Variants in ATP11A observed in about 807,000 individuals in gnomAD.
ATP11A encodes the protein ATPase phospholipid transporting 11A.
A neutral mutation model predicts 154.4 loss-of-function variants in ATP11A; 81 were observed. The observed-to-expected ratio is 0.52, with a 90% confidence interval of 0.44 to 0.63. The LOEUF (loss-of-function observed/expected upper bound fraction) is 0.63. Ranked by LOEUF, ATP11A falls within the 30% of genes least tolerant of loss-of-function variation. The probability of loss-of-function intolerance (pLI) is 0.00; values close to 1 mark genes in which losing one functional copy is unlikely to be tolerated. For missense variants in ATP11A, 1,316 were observed against 1,474.3 expected, an observed-to-expected ratio of 0.89 and a Z score of 1.76; for synonymous variants, 623 against 585.9, an observed-to-expected ratio of 1.06 and a Z score of -0.91.
intron 2 of ATP11A, among the ~76,000 whole-genome samples, chr13:112,794,313 A>ACCATTGT (rs2077940575): frequency 6.6e-6 from 1 of 152,310 alleles, no homozygotes; most frequent in South Asian, 2.1e-4. Flanking sequence ...ATAACTGTCC[A>ACCATTGT]CCATTGTCAG....
At chr13:112,733,716 A>C (rs1870185036) in intron 1 of ATP11A, among the ~76,000 whole-genome samples, 2 of 152,222 alleles carry the variant, frequency 1.3e-5, no homozygotes. Context: ...AGTCTATGCA[A>C]ATACAACTTT....
chr13:112,701,940 G>T (rs1239702649), intron 1 of ATP11A, among the ~76,000 whole-genome samples: 2 of 152,156 alleles, frequency 1.3e-5, no homozygotes, highest in Non-Finnish European at 2.9e-5. Context: ...CTGTGGATGG[G>T]GCCTGCGGTT....
Position 112,883,312 on chromosome 13 carries a change from T to C in ATP11A, c.*1446T>C, listed in dbSNP as rs928336300. 4 of 398,234 alleles carry C rather than the reference T, an allele frequency of 1.0e-5. No individual in the cohort carries two copies. Among genetic ancestry groups the C allele is most frequent in the Middle Eastern group, 1.3e-3 (2 of 1,588 alleles). 24.7% of individuals were successfully genotyped at this position (398,234 alleles called of 1,614,324 possible). A position where few individuals can be genotyped will look rare whatever the true frequency, so the allele number is the denominator to read the frequency against. On this transcript the variant is annotated 3_prime_UTR_variant, in exon 30 of 30. Transcript: ENST00000375645. ...GGCATTTCTATTTCTAGAAATAATATTTGACATAGCCTTAATGGTCCTTAA... is the reference window on the plus strand; with the variant it reads ...GGCATTTCTATTTCTAGAAATAATACTTGACATAGCCTTAATGGTCCTTAA...
rs1197680167 is a variant in ATP11A, at chr13:112,885,061, G to A, written c.*3195G>A. ...CATGCACACAAACGTGTACACAAGT[G>A]TGAGCTCCTACACGCATACACACAC... is the stretch of plus-strand genomic sequence containing the variant. On this transcript the variant is annotated 3_prime_UTR_variant, in exon 30 of 30. Transcript: ENST00000375645. The A allele has an allele frequency of 6.6e-6, 1 of 151,610 alleles. No individual in the cohort carries two copies. Among genetic ancestry groups the A allele is most frequent in the African/African-American group, 2.4e-5 (1 of 40,924 alleles). The allele number at this position is 151,610 out of a possible 1,614,324, so 9.4% of individuals were successfully genotyped here.
At chr13:112,790,937 A>C (rs1458621291) in intron 2 of ATP11A, among the ~76,000 whole-genome samples, 1 of 152,240 alleles carries the variant, frequency 6.6e-6, no homozygotes, top group African/African-American at 2.4e-5. Flanking sequence ...GCTGAAAAAC[A>C]AAGTCCCAAC....
chr13:112,767,604 T>A (rs1359668869), intron 1 of ATP11A, among the ~76,000 whole-genome samples: 1 of 152,008 alleles, frequency 6.6e-6, no homozygotes, highest in Non-Finnish European at 1.5e-5. Flanking sequence ...TGTGACTGTC[T>A]GATCATCTGC....
chr13:112,758,572 C>T (rs1228201201), intron 1 of ATP11A, among the ~76,000 whole-genome samples: 7 of 151,850 alleles, frequency 4.6e-5, no homozygotes, highest in Non-Finnish European at 7.4e-5. Flanking sequence ...TACAGGCGCC[C>T]GCCACCATGC....
intron 1 of ATP11A, among the ~76,000 whole-genome samples, chr13:112,714,329 C>A (rs1332701550): frequency 6.7e-6 from 1 of 150,184 alleles, no homozygotes; most frequent in Non-Finnish European, 1.5e-5. Context: ...CTGGGGTGTT[C>A]CGCTGCAGCC....
chr13:112,733,436 T>C (rs968016898), intron 1 of ATP11A, among the ~76,000 whole-genome samples: 1 of 152,232 alleles, frequency 6.6e-6, no homozygotes, highest in African/African-American at 2.4e-5. Context: ...GTGTTAAGTT[T>C]CACTGTTTTT....
rs2077443375 is a variant in ATP11A, at chr13:112,779,392, G to GCTGGAGTGAGTAGCCA, written c.40-5733_40-5732insTAGCCACTGGAGTGAG. Reference sequence around the variant, plus strand: ...GGAGTAGCCGCTGGAGTGAGTAGCCGCTGGAGTGAGGAGTAGCCACTGGAG... The same window carrying GCTGGAGTGAGTAGCCA: ...GGAGTAGCCGCTGGAGTGAGTAGCCGCTGGAGTGAGTAGCCACTGGAGTGAGGAGTAGCCACTGGAG... On this transcript the variant is annotated intron_variant, in intron 1 of 29. Transcript: ENST00000375645. Among the ~76,000 whole-genome samples the GCTGGAGTGAGTAGCCA allele has an allele frequency of 2.0e-5, 3 of 149,042 alleles. 1 individual carries two copies. The highest frequency in any genetic ancestry group is 3.0e-5 in the Non-Finnish European group (2 of 67,266).
chr13:112,792,555 A>G (rs1226304568), intron 2 of ATP11A, among the ~76,000 whole-genome samples: 1 of 152,242 alleles, frequency 6.6e-6, no homozygotes, highest in African/African-American at 2.4e-5. Context: ...AGAAGTCGTA[A>G]TAGAGGATGA....
intron 9 of ATP11A, among the ~76,000 whole-genome samples, chr13:112,823,769 C>T (rs547638655): frequency 1.6e-4 from 24 of 152,324 alleles, no homozygotes; most frequent in African/African-American, 5.5e-4. Flanking sequence ...ATTGAGGTAA[C>T]CTTTAGAAGT....
chr13:112,824,060 TGGTAG>T (rs1566533997), intron 9 of ATP11A, among the ~76,000 whole-genome samples: 1 of 152,204 alleles, frequency 6.6e-6, no homozygotes, highest in East Asian at 1.9e-4. Context: ...CATCCCCAGT[TGGTAG>T]AACCTGCAGA....
chr13:112,883,422 C>T lies in ATP11A; in HGVS notation c.*1556C>T. 1 of 382,700 alleles carries T rather than the reference C, an allele frequency of 2.6e-6. No homozygotes were observed. The highest frequency in any genetic ancestry group is 4.6e-6 in the Non-Finnish European group (1 of 216,270). 23.7% of individuals were successfully genotyped at this position (382,700 alleles called of 1,614,324 possible). On this transcript the variant is annotated 3_prime_UTR_variant, in exon 30 of 30. Coordinates refer to ENST00000375645, the MANE Select transcript of ATP11A (RefSeq NM_015205.3). ...AGCACCACCAACGCTGGAGGAGGAG[C>T]CGGCCCTCACGCCCGCCCCGCGCCA...
intron 1 of ATP11A, among the ~76,000 whole-genome samples, chr13:112,707,060 C>G (rs1369242120): frequency 6.6e-6 from 1 of 152,148 alleles, no homozygotes; most frequent in Non-Finnish European, 1.5e-5. Context: ...AACATCAGCA[C>G]CACATTGGGC....
chr13:112,722,595 G>A (rs1336114277), intron 1 of ATP11A, among the ~76,000 whole-genome samples: 5 of 152,220 alleles, frequency 3.3e-5, no homozygotes, highest in African/African-American at 7.2e-5. Flanking sequence ...CATCAGGGCC[G>A]GAAGCAGGTT....
intron 29 of ATP11A, chr13:112,880,847 C>G (rs1329237187): frequency 1.8e-6 from 2 of 1,122,026 alleles, no homozygotes; most frequent in Non-Finnish European, 2.2e-6. Context: ...ATGGAACATG[C>G]TGTGCACACA....
chr13:112,778,725 C>T (rs1413964579), intron 1 of ATP11A, among the ~76,000 whole-genome samples: 1 of 131,526 alleles, frequency 7.6e-6, no homozygotes, highest in African/African-American at 3.1e-5. Flanking sequence ...AGTGAGTAGC[C>T]GCTGGAGTGA....
chr13:112,728,636 C>T (rs1017013331), intron 1 of ATP11A, among the ~76,000 whole-genome samples: 6 of 148,516 alleles, frequency 4.0e-5, no homozygotes, highest in Admixed American at 4.0e-4. Flanking sequence ...CCCTGTGTTA[C>T]CTGTATGTAC....
Sources: gnomAD v4.1 joint callset for allele counts (sites outside exome capture counted in the v4.1 genomes callset) on GRCh38, gnomAD v4.1.1 for gene constraint, MANE v1.5 for transcripts, NCBI Gene and HGNC (gene_info 2026-07-23, HGNC 2026-07-21) for gene names.